PKD1L1: variants seen among roughly 807,000 people sequenced by gnomAD.
PKD1L1 encodes the protein polycystin-1-like protein 1.
In PKD1L1, 236 loss-of-function variants were observed where a neutral mutation model predicts 323.4. The ratio of observed to expected loss-of-function variants is 0.73; its 90% CI spans 0.66 to 0.81. The LOEUF (loss-of-function observed/expected upper bound fraction) is 0.81, where lower values mean the gene tolerates loss of function less well. Ranked by LOEUF, PKD1L1 falls within the 40% of genes least tolerant of loss-of-function variation. The probability of loss-of-function intolerance (pLI) is 0.00; values close to 1 mark genes in which losing one functional copy is unlikely to be tolerated. For missense variants in PKD1L1, 3,320 were observed against 3,508.0 expected, an observed-to-expected ratio of 0.95 and a Z score of 1.35; for synonymous variants, 1,344 against 1,335.0, an observed-to-expected ratio of 1.01 and a Z score of -0.15.
intron 10 of PKD1L1, 44 bp downstream of exon 10, chr7:47,905,799 C>G: frequency 6.2e-7 from 1 of 1,607,488 alleles, no homozygotes; most frequent in Non-Finnish European, 8.5e-7. Flanking sequence ...GCTGACTGCG[C>G]GAGGGAGGTT....
At chr7:47,877,169 C>T (rs1786424752) in intron 22 of PKD1L1, among the ~76,000 whole-genome samples, 1 of 152,102 alleles carries the variant, frequency 6.6e-6, no homozygotes, top group African/African-American at 2.4e-5. Context: ...GGTCACGTGC[C>T]TGCCTTTTTC....
chr7:47,854,299 C>T (rs1195117669), intron 30 of PKD1L1, among the ~76,000 whole-genome samples: 8 of 152,122 alleles, frequency 5.3e-5, no homozygotes, highest in South Asian at 2.1e-4. Context: ...ACTAAACACA[C>T]GGGGACTCCG....
chr7:47,781,387 GTTTT>G lies in PKD1L1; in HGVS notation c.8527-6225_8527-6222del, dbSNP rs200570381. 6.2e-4 allele frequency among the ~76,000 whole-genome samples: 76 copies of G among 121,724 alleles called. 2 individuals carry two copies. The East Asian group carries it at 6.5e-3, about 10-fold the overall frequency. 79.9% of individuals were successfully genotyped at this position (121,724 alleles called of 152,430 possible). On this transcript the variant is annotated intron_variant, in intron 56 of 56. Coordinates refer to ENST00000289672, the MANE Select transcript of PKD1L1 (RefSeq NM_138295.5). ...AATAAAGTCATTTGCAGAACAAAAG[GTTTT>G]TTTTTTTGTTTTGTTTTGTTTTTTT...
chr7:47,923,305 G>A (rs896635056), intron 7 of PKD1L1, among the ~76,000 whole-genome samples: 4 of 137,994 alleles, frequency 2.9e-5, no homozygotes, highest in Non-Finnish European at 6.1e-5. Context: ...CCCCGTCTCC[G>A]AGAAACACCC....
chr7:47,934,205 G>A (rs1010500465), intron 4 of PKD1L1, among the ~76,000 whole-genome samples: 1 of 152,186 alleles, frequency 6.6e-6, no homozygotes, highest in Non-Finnish European at 1.5e-5. Flanking sequence ...GAAATACTAC[G>A]GAAAATTGCC....
At chr7:47,893,309 G>A (rs1270673550) in intron 15 of PKD1L1, among the ~76,000 whole-genome samples, 2 of 151,858 alleles carry the variant, frequency 1.3e-5, no homozygotes, top group Non-Finnish European at 2.9e-5. Context: ...GGGTACAGAA[G>A]GCAGGTGTGT....
At chr7:47,795,894 C>T in intron 55 of PKD1L1, 95 bp downstream of exon 55, 1 of 1,405,082 alleles carries the variant, frequency 7.1e-7, no homozygotes, top group African/African-American at 1.4e-5. Flanking sequence ...TGGAAACATA[C>T]TCATGCTTTG....
rs773857005 is a variant in PKD1L1, at chr7:47,931,150, G to A, written c.691C>T (p.Arg231Ter). The stretch of plus-strand genomic sequence containing the variant: ...TGTGAAATCGGCCACAGGGGCACTC[G>A]CTGGGAGCTGGTCTGAGTGGGTCTG... Reference protein sequence around the residue: ...VARPTQTSSQRVPLWPISHFP... With the variant: ...VARPTQTSSQ The change falls in exon 6 of 57, where the codon CGA becomes TGA. Residue 231 changes from arginine (R) to a stop codon, truncating the protein, a stop_gained. Transcript: ENST00000289672. LOFTEE classifies it high-confidence loss of function. 9.3e-6 allele frequency: 15 copies of A among 1,614,196 alleles called. No homozygotes were observed. Among genetic ancestry groups the A allele is most frequent in the Admixed American group, 3.3e-5 (2 of 60,022 alleles).
chr7:47,813,353 C>G, intron 48 of PKD1L1, 60 bp from the exon 49 acceptor site: 1 of 1,577,136 alleles, frequency 6.3e-7, no homozygotes, highest in Non-Finnish European at 8.6e-7. Flanking sequence ...ACCCTGCAAT[C>G]CGGGGTCTCC....
intron 4 of PKD1L1, 97 bp from the exon 5 acceptor site, chr7:47,932,153 C>A: frequency 1.3e-6 from 2 of 1,491,352 alleles, no homozygotes. Context: ...CTTCACCAGG[C>A]TTTGCTGGAA....
rs1179088970 is a variant in PKD1L1, at chr7:47,853,743, C to G, written c.4860-516G>C. On this transcript the variant is annotated intron_variant, in intron 30 of 56. Coordinates refer to ENST00000289672, the MANE Select transcript of PKD1L1 (RefSeq NM_138295.5). The stretch of plus-strand genomic sequence containing the variant: ...GGGCAACAAGAATGAAACTCTGTCT[C>G]AAAAACAAACAAACAAACAAACCAA... 1.1e-4 allele frequency among the ~76,000 whole-genome samples: 8 copies of G among 74,120 alleles called. No individual in the cohort carries two copies. In the East Asian group the frequency reaches 2.9e-3, roughly 27 times the overall value. The allele number at this position is 74,120 out of a possible 152,430, so 48.6% of individuals were successfully genotyped here.
chr7:47,950,076 G>C (rs117028287), upstream of PKD1L1, among the ~76,000 whole-genome samples: 625 of 152,310 alleles, frequency 4.1e-3, 1 homozygote, highest in Non-Finnish European at 7.3e-3. Flanking sequence ...AAATGCGCCT[G>C]TGACCAAGAA....
chr7:47,776,585 C>T (rs1786574038), intron 56 of PKD1L1, among the ~76,000 whole-genome samples: 1 of 152,086 alleles, frequency 6.6e-6, no homozygotes, highest in African/African-American at 2.4e-5. Flanking sequence ...TTTCTTCATA[C>T]CCCAGTGCTG....
chr7:47,847,422 T>TA (rs1203511991), intron 31 of PKD1L1, among the ~76,000 whole-genome samples: 1 of 152,170 alleles, frequency 6.6e-6, no homozygotes, highest in Non-Finnish European at 1.5e-5. Flanking sequence ...TCAGTTTCTT[T>TA]AGCTGCCATT....
chr7:47,859,824 T>C (rs1376002709), intron 26 of PKD1L1, among the ~76,000 whole-genome samples: 1 of 151,930 alleles, frequency 6.6e-6, no homozygotes, highest in African/African-American at 2.4e-5. Flanking sequence ...GAAACGGGGT[T>C]TCACCATCTT....
chr7:47,822,039 C>G (rs1199675399), intron 45 of PKD1L1, among the ~76,000 whole-genome samples: 1 of 152,150 alleles, frequency 6.6e-6, no homozygotes, highest in African/African-American at 2.4e-5. Flanking sequence ...TCATCTTTCT[C>G]TCTCTGCCAA....
chr7:47,836,948 G>T lies in PKD1L1; in HGVS notation c.5916C>A (p.Ala1972=), dbSNP rs924737504. Residue 1972 remains alanine (A), a synonymous_variant, in exon 37 of 57, where the codon GCC becomes GCA. Coordinates refer to ENST00000289672, the MANE Select transcript of PKD1L1 (RefSeq NM_138295.5). ...SLLCVYACLT[A]LVAAGGQEQP... is the part of the protein sequence containing the mutation. ...GCTCTTGCCCTCCAGCAGCAACCAG[G>T]GCAGTGAGACACGCGTAGACGCACA... 6.2e-7 allele frequency: 1 copy of T among 1,614,106 alleles called. No homozygotes were observed. The highest frequency in any genetic ancestry group is 8.5e-7 in the Non-Finnish European group (1 of 1,180,022).
intron 53 of PKD1L1, 73 bp downstream of exon 53, chr7:47,803,137 T>C (rs755631420): frequency 2.7e-5 from 43 of 1,579,748 alleles, no homozygotes; most frequent in Non-Finnish European, 3.5e-5. Flanking sequence ...TGTTTTTCCC[T>C]TGAGAAAGGC....
chr7:47,774,956 G>A lies in PKD1L1; in HGVS notation c.*187C>T, dbSNP rs1786535096. Reference sequence around the variant, plus strand: ...GAATGGTGATTATGAGTAACAGTCTGATGACAGATAAACCTTGATTTTCAT... The same window carrying A: ...GAATGGTGATTATGAGTAACAGTCTAATGACAGATAAACCTTGATTTTCAT... On this transcript the variant is annotated 3_prime_UTR_variant, in exon 57 of 57. Coordinates refer to ENST00000289672, the MANE Select transcript of PKD1L1 (RefSeq NM_138295.5). 6.0e-6 allele frequency: 4 copies of A among 661,894 alleles called. No individual in the cohort carries two copies. The highest frequency in any genetic ancestry group is 1.1e-5 in the Non-Finnish European group (4 of 368,962). 41.0% of individuals were successfully genotyped at this position (661,894 alleles called of 1,614,324 possible).
Sources: gnomAD v4.1 joint callset for allele counts (sites outside exome capture counted in the v4.1 genomes callset) on GRCh38, gnomAD v4.1.1 for gene constraint, MANE v1.5 for transcripts, NCBI Gene and HGNC (gene_info 2026-07-23, HGNC 2026-07-21) for gene names.